KLF12: variants seen among roughly 807,000 people sequenced by gnomAD.
The protein encoded by KLF12 is Krueppel-like factor 12.
Under a neutral mutation model 37.8 loss-of-function variants are expected in KLF12, and 9 were observed. The ratio of observed to expected loss-of-function variants is 0.24; its 90% confidence interval spans 0.14 to 0.42. The LOEUF is 0.42. Among genes scored for constraint, KLF12 ranks in the 10% least tolerant of loss-of-function variants. The pLI is 1.00. For missense variants in KLF12, 411 were observed against 516.0 expected (o/e 0.80, Z 1.97); for synonymous variants, 208 against 202.1 (o/e 1.03, Z -0.25).
chr13:74,167,508 A>G, the KLF12 span, among the ~76,000 whole-genome samples: 2 of 152,254 alleles, frequency 1.3e-5, no homozygotes, highest in Admixed American at 6.5e-5. Flanking sequence ...TCCTCTCCAC[A>G]TCATAAAAAT....
At chr13:73,831,992 C>T (rs368689760) in intron 4 of KLF12, among the ~76,000 whole-genome samples, 5 of 152,296 alleles carry the variant, frequency 3.3e-5, no homozygotes, top group East Asian at 3.9e-4. Context: ...TCTCTACTTA[C>T]GTGGTTAGAA....
chr13:73,912,861 C>G (rs958657112), intron 3 of KLF12, among the ~76,000 whole-genome samples: 1 of 152,126 alleles, frequency 6.6e-6, no homozygotes, highest in Non-Finnish European at 1.5e-5. Flanking sequence ...TAAGCTCCTT[C>G]TTCTCCCCTC....
the KLF12 span, among the ~76,000 whole-genome samples, chr13:74,261,118 C>T: frequency 2.2e-3 from 338 of 151,714 alleles, 2 homozygotes; most frequent in African/African-American, 6.9e-3. Context: ...AGCTGTTCTC[C>T]GAAAAGTATT....
At chr13:74,085,244 A>T (rs1420952063) in intron 1 of KLF12, among the ~76,000 whole-genome samples, 4 of 152,218 alleles carry the variant, frequency 2.6e-5, no homozygotes, top group African/African-American at 9.7e-5. Flanking sequence ...TTTCATGAAC[A>T]TATGCAAAAA....
the KLF12 span, among the ~76,000 whole-genome samples, chr13:74,177,469 G>A: frequency 2.0e-5 from 3 of 152,132 alleles, no homozygotes; most frequent in African/African-American, 4.8e-5. Flanking sequence ...CCTGGAGGAC[G>A]ACGGTGATGG....
intron 5 of KLF12, among the ~76,000 whole-genome samples, chr13:73,797,177 C>T (rs944538343): frequency 6.6e-6 from 1 of 152,108 alleles, no homozygotes; most frequent in East Asian, 1.9e-4. Flanking sequence ...AATAAAATAA[C>T]CTCAGGGATC....
chr13:74,005,263 C>T (rs758970407), intron 1 of KLF12, among the ~76,000 whole-genome samples: 16 of 151,994 alleles, frequency 1.1e-4, no homozygotes, highest in Admixed American at 2.6e-4. Flanking sequence ...TAAACTTCAA[C>T]GCTGTCAAAT....
chr13:73,819,383 A>C (rs1051083271), intron 4 of KLF12, among the ~76,000 whole-genome samples: 1 of 152,200 alleles, frequency 6.6e-6, no homozygotes, highest in Admixed American at 6.5e-5. Context: ...CACTCCTTCT[A>C]AATCTCTCAC....
intron 3 of KLF12, among the ~76,000 whole-genome samples, chr13:73,906,001 T>A (rs1566450468): frequency 6.6e-6 from 1 of 152,174 alleles, no homozygotes; most frequent in Non-Finnish European, 1.5e-5. Flanking sequence ...TTCATTTGAT[T>A]ACACTGGAGT....
At chr13:74,017,025 C>T (rs1345793071) in intron 1 of KLF12, among the ~76,000 whole-genome samples, 2 of 152,006 alleles carry the variant, frequency 1.3e-5, no homozygotes, top group African/African-American at 2.4e-5. Flanking sequence ...CACATGTACT[C>T]GTGGCATTCA....
chr13:74,058,415 G>GGC (rs1228097625), intron 1 of KLF12, among the ~76,000 whole-genome samples: 3 of 146,948 alleles, frequency 2.0e-5, no homozygotes, highest in African/African-American at 7.6e-5. Context: ...GGAGTGCAGC[G>GGC]GCATCATCTC....
chr13:73,726,561 G>A (rs1465466540), intron 6 of KLF12, among the ~76,000 whole-genome samples: 1 of 152,146 alleles, frequency 6.6e-6, no homozygotes, highest in East Asian at 1.9e-4. Context: ...TTCTTTCACT[G>A]AGCATAAAGT....
At chr13:74,104,925 C>T (rs899663303) in intron 1 of KLF12, among the ~76,000 whole-genome samples, 4 of 152,134 alleles carry the variant, frequency 2.6e-5, no homozygotes, top group African/African-American at 4.8e-5. Flanking sequence ...TGGGCCTGTA[C>T]ACTTCTCCTC....
upstream of KLF12, among the ~76,000 whole-genome samples, chr13:74,136,441 C>T (rs1878557893): frequency 6.6e-6 from 1 of 152,170 alleles, no homozygotes; most frequent in Non-Finnish European, 1.5e-5. Context: ...CTACTAGAAT[C>T]ACTGTGAAGT....
chr13:73,946,226 C>A lies in KLF12; in HGVS notation c.34-2156G>T, dbSNP rs377646404. On this transcript the variant is annotated intron_variant, in intron 2 of 7. Transcript: ENST00000377669. ...GCAAGAAGATGCCTTATAAGGAAGGCCCAAGCAAAAGAGGAGAAAAGACAA... is the reference window on the plus strand; with the variant it reads ...GCAAGAAGATGCCTTATAAGGAAGGACCAAGCAAAAGAGGAGAAAAGACAA... Among the ~76,000 whole-genome samples the A allele has an allele frequency of 1.6e-4, 24 of 152,170 alleles. 1 individual carries two copies. The South Asian group carries it at 4.8e-3, about 30-fold the overall frequency.
At chr13:73,885,834 G>A (rs1238454373) in intron 3 of KLF12, among the ~76,000 whole-genome samples, 1 of 152,218 alleles carries the variant, frequency 6.6e-6, no homozygotes, top group African/African-American at 2.4e-5. Flanking sequence ...GAGACAATTT[G>A]TGAAGTCTGA....
chr13:73,990,734 T>C (rs953781962), intron 2 of KLF12, among the ~76,000 whole-genome samples: 1 of 152,120 alleles, frequency 6.6e-6, no homozygotes, highest in African/African-American at 2.4e-5. Context: ...TAATATCATT[T>C]TGGTAAAAGG....
chr13:73,967,090 C>A (rs1281465574), intron 2 of KLF12, among the ~76,000 whole-genome samples: 1 of 152,070 alleles, frequency 6.6e-6, no homozygotes, highest in Non-Finnish European at 1.5e-5. Flanking sequence ...TTTCTAATAC[C>A]TTCCTATGAA....
chr13:73,995,189 T>C, intron 1 of KLF12, 136 bp from the exon 2 acceptor site: 3 of 611,552 alleles, frequency 4.9e-6, no homozygotes, highest in Non-Finnish European at 8.4e-6. Flanking sequence ...ATATCTTTTC[T>C]TCAGCTATGT....
Sources: gnomAD v4.1 joint callset for allele counts (sites outside exome capture counted in the v4.1 genomes callset) on GRCh38, gnomAD v4.1.1 for gene constraint, MANE v1.5 for transcripts, NCBI Gene and HGNC (gene_info 2026-07-23, HGNC 2026-07-21) for gene names.